Variants in OR3A2 observed in about 807,000 individuals in gnomAD.
OR3A2 encodes olfactory receptor 3A2.
For synonymous variants in OR3A2, 126 were observed against 159.3 expected, an observed-to-expected ratio of 0.79 and a Z score of 1.57; for missense variants, 318 against 392.8, an observed-to-expected ratio of 0.81 and a Z score of 1.61.
At chr17:3,344,173 G>T (rs2049344267) in intron 2 of OR3A2, among the ~76,000 whole-genome samples, 1 of 152,172 alleles carries the variant, frequency 6.6e-6, no homozygotes, top group Non-Finnish European at 1.5e-5. Flanking sequence ...ATGAGCCAAA[G>T]ATGATGTCTG....
rs142167477 is a variant in OR3A2 at position 3,283,066 on chromosome 17, A to C, written c.-7+1292T>G. 4.3e-3 allele frequency among the ~76,000 whole-genome samples: 648 copies of C among 152,098 alleles called. 5 individuals are homozygous for C. Among genetic ancestry groups the C allele is most frequent in the African/African-American group, 0.015 (612 of 41,474 alleles). Reference sequence around the variant, plus strand: ...TCTCTCCTCACCCCCTAAACTATCAATATACACCATTTCTTGGAATTTATG... The same window carrying C: ...TCTCTCCTCACCCCCTAAACTATCACTATACACCATTTCTTGGAATTTATG... On this transcript the variant is annotated intron_variant, in intron 1 of 1. Coordinates refer to ENST00000642052, the Ensembl canonical transcript of OR3A2.
At chr17:3,341,440 C>T (rs1567561259) in intron 2 of OR3A2, among the ~76,000 whole-genome samples, 2 of 152,140 alleles carry the variant, frequency 1.3e-5, no homozygotes, top group Non-Finnish European at 2.9e-5. Flanking sequence ...CCTTCAGGAG[C>T]TCTTGTTAGG....
intron 3 of OR3A2, among the ~76,000 whole-genome samples, chr17:3,289,836 CTT>C (rs1227932489): frequency 3.9e-5 from 6 of 152,174 alleles, no homozygotes; most frequent in Non-Finnish European, 5.9e-5. Flanking sequence ...AAGACTCACT[CTT>C]TGTGTCCCTG....
intron 2 of OR3A2, among the ~76,000 whole-genome samples, chr17:3,346,327 C>A (rs1340353395): frequency 6.6e-6 from 1 of 152,102 alleles, no homozygotes; most frequent in Admixed American, 6.5e-5. Context: ...GCAATGTGTG[C>A]AAATTACATC....
At chr17:3,370,542 A>G (rs1452181654) in intron 2 of OR3A2, among the ~76,000 whole-genome samples, 1 of 148,656 alleles carries the variant, frequency 6.7e-6, no homozygotes, top group African/African-American at 2.5e-5. Flanking sequence ...GATCTTTGTT[A>G]TTTCTTTTCT....
intron 2 of OR3A2, among the ~76,000 whole-genome samples, chr17:3,351,770 T>G (rs1418546211): frequency 7.2e-5 from 11 of 152,066 alleles, no homozygotes. Flanking sequence ...TCACACTACC[T>G]GACTTCCAAC....
chr17:3,330,688 A>T (rs1268783071), intron 3 of OR3A2, among the ~76,000 whole-genome samples: 1 of 152,016 alleles, frequency 6.6e-6, no homozygotes, highest in Non-Finnish European at 1.5e-5. Context: ...TGTGTCTTTT[A>T]ATTGGAGCAT....
At chr17:3,314,772 T>C (rs995215263) in intron 3 of OR3A2, among the ~76,000 whole-genome samples, 1 of 152,226 alleles carries the variant, frequency 6.6e-6, no homozygotes, top group Admixed American at 6.5e-5. Flanking sequence ...GATGCTGAGA[T>C]TTGGAGTCCA....
intron 3 of OR3A2, among the ~76,000 whole-genome samples, chr17:3,296,753 G>A (rs745536421): frequency 6.6e-6 from 1 of 152,066 alleles, no homozygotes; most frequent in African/African-American, 2.4e-5. Context: ...ATTGAAACAA[G>A]CTAATTACTA....
intron 2 of OR3A2, among the ~76,000 whole-genome samples, chr17:3,338,234 T>G (rs1324125382): frequency 6.6e-6 from 1 of 152,218 alleles, no homozygotes; most frequent in African/African-American, 2.4e-5. Flanking sequence ...CTGTTCACTC[T>G]GATGGTAGTT....
intron 2 of OR3A2, among the ~76,000 whole-genome samples, chr17:3,350,610 A>C (rs1014723759): frequency 0.012 from 1,755 of 150,426 alleles, 36 homozygotes; most frequent in African/African-American, 0.04. Flanking sequence ...AGGTACAAGG[A>C]GGAACAGGTA....
At chr17:3,319,179 T>C (rs1298051776) in intron 3 of OR3A2, among the ~76,000 whole-genome samples, 1 of 152,162 alleles carries the variant, frequency 6.6e-6, no homozygotes, top group Non-Finnish European at 1.5e-5. Flanking sequence ...ATGATTCTAC[T>C]GTATGCAAGG....
At chr17:3,310,532 G>T (rs747773621) in intron 3 of OR3A2, 1 of 535,954 alleles carries the variant, frequency 1.9e-6, no homozygotes. Flanking sequence ...TGCCAGATGT[G>T]GGGTGTGTCA....
exon 2 of OR3A2, chr17:3,277,820 G>C (rs958545457): frequency 5.0e-6 from 4 of 800,712 alleles, no homozygotes; most frequent in Non-Finnish European, 8.0e-6. Flanking sequence ...AAATTATGTA[G>C]GGTTTCCTAG....
intron 2 of OR3A2, among the ~76,000 whole-genome samples, chr17:3,350,176 T>G (rs970551449): frequency 2.6e-5 from 4 of 151,360 alleles, no homozygotes; most frequent in Admixed American, 2.0e-4. Flanking sequence ...AAGAAATAAC[T>G]AAAATCAGAG....
intron 3 of OR3A2, among the ~76,000 whole-genome samples, chr17:3,297,608 G>A (rs868562798): frequency 6.6e-6 from 1 of 151,542 alleles, no homozygotes; most frequent in African/African-American, 2.4e-5. Context: ...CCTCTCACAC[G>A]GACATTTCTC....
At chr17:3,348,635 A>G (rs1052645555) in intron 2 of OR3A2, among the ~76,000 whole-genome samples, 2 of 152,168 alleles carry the variant, frequency 1.3e-5, no homozygotes, top group African/African-American at 4.8e-5. Flanking sequence ...AACTTCCCCA[A>G]TCTAGCAAGG....
chr17:3,376,406 G>A (rs1251959344), intron 2 of OR3A2, among the ~76,000 whole-genome samples: 3 of 152,156 alleles, frequency 2.0e-5, no homozygotes, highest in African/African-American at 7.2e-5. Context: ...AAACCATCAG[G>A]GGAAGGCAGG....
chr17:3,370,621 T>C (rs1326410155), intron 2 of OR3A2, among the ~76,000 whole-genome samples: 1 of 135,518 alleles, frequency 7.4e-6, no homozygotes, highest in African/African-American at 2.9e-5. Context: ...AGATTGTCTA[T>C]TTGTTCTTTC....
Sources: allele counts gnomAD v4.1 joint callset (sites outside exome capture counted in the v4.1 genomes callset), GRCh38; gene constraint gnomAD v4.1.1; transcripts MANE v1.5; gene names NCBI Gene and HGNC (gene_info 2026-07-23, HGNC 2026-07-21).